Variants in CBLIF observed in about 807,000 individuals in gnomAD.
CBLIF encodes gastric intrinsic factor (vitamin B synthesis).
A neutral mutation model predicts 44.9 loss-of-function variants in CBLIF; 24 were observed. That is an observed-to-expected ratio of 0.53 (90% confidence interval 0.39 to 0.75). The LOEUF is 0.75. Among genes scored for constraint, CBLIF ranks in the 30% least tolerant of loss-of-function variants. CBLIF has a pLI of 0.00. For missense variants in CBLIF, 481 were observed against 513.0 expected (o/e 0.94, Z 0.60); for synonymous variants, 183 against 190.9 (o/e 0.96, Z 0.34).
intron 5 of CBLIF, among the ~76,000 whole-genome samples, chr11:59,840,500 G>T (rs1237443194): frequency 1.3e-5 from 2 of 152,118 alleles, no homozygotes; most frequent in Non-Finnish European, 2.9e-5. Flanking sequence ...ACTAGGGTAG[G>T]GTGGGTTGTT....
chr11:59,831,994 A>G (rs1374553237), intron 7 of CBLIF, among the ~76,000 whole-genome samples, 198 bp from the exon 8 acceptor site: 2 of 152,196 alleles, frequency 1.3e-5, no homozygotes, highest in Non-Finnish European at 2.9e-5. Flanking sequence ...TCCACCCGCC[A>G]GGATAGAGAC....
At chr11:59,843,502 G>A (rs1198710096) in intron 2 of CBLIF, among the ~76,000 whole-genome samples, 1 of 152,186 alleles carries the variant, frequency 6.6e-6, no homozygotes, top group African/African-American at 2.4e-5. Context: ...AGGCAGAACA[G>A]AGATTTTATT....
chr11:59,842,350 G>A, intron 4 of CBLIF, 93 bp downstream of exon 4: 4 of 1,372,022 alleles, frequency 2.9e-6, no homozygotes, highest in Non-Finnish European at 4.2e-6. Flanking sequence ...CTCCTCCATG[G>A]GACGCTCTCC....
rs950084452 is a variant in CBLIF at position 59,842,574 on chromosome 11, G to A, written c.380C>T (p.Ala127Val). ...MENWAPSSPN[A>V]EASAFYGPSL... ...GGGCCCATAGAAGGCTGATGCTTCA[G>A]CGTTGGGGCCTCCGAAGGGGATAGA... is the stretch of plus-strand genomic sequence containing the variant. The change falls in exon 4 of 9, where the codon GCT (alanine) becomes GTT (valine). Residue 127 changes from alanine to valine, a missense_variant. Transcript: ENST00000257248. The A allele has an allele frequency of 1.4e-5, 22 of 1,613,858 alleles. No homozygotes were observed. The Admixed American group carries it at 3.2e-4, about 23-fold the overall frequency.
chr11:59,844,455 G>A (rs1395192594), intron 1 of CBLIF, among the ~76,000 whole-genome samples: 1 of 152,078 alleles, frequency 6.6e-6, no homozygotes, highest in Non-Finnish European at 1.5e-5. Flanking sequence ...ATGCCTTTTA[G>A]GAGAACACTT....
chr11:59,839,096 G>A (rs1290600716), intron 5 of CBLIF, among the ~76,000 whole-genome samples: 8 of 152,006 alleles, frequency 5.3e-5, no homozygotes, highest in African/African-American at 1.7e-4. Context: ...TGATCTGCCC[G>A]CCTCGTCCTC....
intron 5 of CBLIF, among the ~76,000 whole-genome samples, chr11:59,840,734 T>C (rs1866514205): frequency 6.6e-6 from 1 of 152,162 alleles, no homozygotes; most frequent in Non-Finnish European, 1.5e-5. Context: ...AAAAGAACAC[T>C]TGGCTGGTAA....
Position 59,836,009 on chromosome 11 carries a change from T to C in CBLIF, c.872A>G (p.Asp291Gly). The C allele has an allele frequency of 6.2e-7, 1 of 1,613,452 alleles. No homozygotes were observed. The highest frequency in any genetic ancestry group is 8.5e-7 in the Non-Finnish European group (1 of 1,179,342). Residue 291 changes from aspartate (D) to glycine (G), a missense_variant and splice_region_variant, in exon 7 of 9, where the codon GAT becomes GGT. Coordinates refer to ENST00000257248, the MANE Select transcript of CBLIF (RefSeq NM_005142.3). ...GGGTAGAGTTGGTTGTACCTCATGATCTGTGAAGGGCAAAGAGGCCACATT... is the reference window on the plus strand; with the variant it reads ...GGGTAGAGTTGGTTGTACCTCATGACCTGTGAAGGGCAAAGAGGCCACATT... ...LDVPQVTCSP[D>G]HEVQPTLPSN...
At position 59,837,335 on chromosome 11, in the gene CBLIF, G is replaced by T; in HGVS notation, c.710C>A (p.Pro237His). Residue 237 changes from proline to histidine, a missense_variant, in exon 6 of 9, where the codon CCT (proline) becomes CAT (histidine). By Grantham distance (77) the Pro-to-His change is moderately conservative (BLOSUM62 -2). Coordinates refer to ENST00000257248, the MANE Select transcript of CBLIF (RefSeq NM_005142.3). ...GLAMQALSVT[P>H]EPSKKEWNCK... The stretch of plus-strand genomic sequence containing the variant: ...GTTCCATTCCTTTTTAGATGGCTCA[G>T]GTGTTACAGAGAGAGCCTGGGAAGG... 1 of 1,612,484 alleles carries T rather than the reference G, an allele frequency of 6.2e-7. No homozygotes were observed. Among genetic ancestry groups the T allele is most frequent in the Middle Eastern group, 1.6e-4 (1 of 6,062 alleles).
At chr11:59,845,329 C>A in intron 1 of CBLIF, 46 bp downstream of exon 1, 2 of 1,608,468 alleles carry the variant, frequency 1.2e-6, no homozygotes, top group South Asian at 2.2e-5. Flanking sequence ...GCCCCTTCCC[C>A]AGGGCAACTG....
chr11:59,831,239 G>T (rs1279907063), intron 8 of CBLIF, among the ~76,000 whole-genome samples: 4 of 152,120 alleles, frequency 2.6e-5, no homozygotes, highest in Non-Finnish European at 2.9e-5. Context: ...ACATCCATAT[G>T]CAGGCATTCC....
intron 8 of CBLIF, among the ~76,000 whole-genome samples, chr11:59,830,228 ACTTT>A (rs1295282263): frequency 6.9e-6 from 1 of 145,814 alleles, no homozygotes; most frequent in African/African-American, 2.6e-5. Context: ...TGGGGCAATT[ACTTT>A]CTTTTTTTTT....
intron 7 of CBLIF, 137 bp from the exon 8 acceptor site, chr11:59,831,933 C>A: frequency 1.5e-6 from 1 of 666,854 alleles, no homozygotes; most frequent in Non-Finnish European, 2.7e-6. Context: ...GTTACCCAGG[C>A]TAGTGGTGAG....
chr11:59,830,384 C>G (rs1866358429), intron 8 of CBLIF, among the ~76,000 whole-genome samples: 1 of 151,880 alleles, frequency 6.6e-6, no homozygotes, highest in Middle Eastern at 3.4e-3. Flanking sequence ...CTACAGGCAC[C>G]CGCCACCACG....
intron 4 of CBLIF, among the ~76,000 whole-genome samples, chr11:59,842,056 C>T (rs957710195): frequency 1.3e-5 from 2 of 151,830 alleles, no homozygotes; most frequent in East Asian, 1.9e-4. Context: ...GGAGAAGCAT[C>T]GAAAAGAATG....
At chr11:59,840,455 G>A (rs1056168860) in intron 5 of CBLIF, among the ~76,000 whole-genome samples, 1 of 152,208 alleles carries the variant, frequency 6.6e-6, no homozygotes, top group Admixed American at 6.5e-5. Context: ...CACCATTGGT[G>A]CATCTGTCTT....
At position 59,829,314 on chromosome 11, in the gene CBLIF, G is replaced by C. The variant is rs1331932491; in HGVS notation, c.*170C>G. The C allele has an allele frequency of 1.6e-6, 1 of 621,182 alleles. No individual in the cohort carries two copies. Among genetic ancestry groups the C allele is most frequent in the Non-Finnish European group, 3.0e-6 (1 of 333,954 alleles). The allele number at this position is 621,182 out of a possible 1,614,324, so 38.5% of individuals were successfully genotyped here. ...TTTATTTTCATGAGTCATAGATGTT[G>C]AGACTCCAGTGAACTTTGCATTTTT... On this transcript the variant is annotated 3_prime_UTR_variant, in exon 9 of 9. Transcript: ENST00000257248.
At chr11:59,842,398 G>C (rs1032089615) in intron 4 of CBLIF, 45 bp downstream of exon 4, 12 of 1,605,962 alleles carry the variant, frequency 7.5e-6, no homozygotes, top group Non-Finnish European at 2.6e-6. Flanking sequence ...TTCAGTTCAC[G>C]ATGCCTCTGA....
rs147337174 is a variant in CBLIF, at chr11:59,838,587, A to G, written c.694-1236T>C. On this transcript the variant is annotated intron_variant, in intron 5 of 8. Transcript: ENST00000257248. ...ACAGGGACAACCATCACTGAACCTCAGCATCTATGAAGCATGGCTCTGGAC... is the reference window on the plus strand; with the variant it reads ...ACAGGGACAACCATCACTGAACCTCGGCATCTATGAAGCATGGCTCTGGAC... 4.4e-3 allele frequency among the ~76,000 whole-genome samples: 671 copies of G among 152,310 alleles called. 8 individuals carry two copies. Among genetic ancestry groups the G allele is most frequent in the African/African-American group, 0.015 (643 of 41,568 alleles).
Sources: allele counts gnomAD v4.1 joint callset (sites outside exome capture counted in the v4.1 genomes callset), GRCh38; gene constraint gnomAD v4.1.1; transcripts MANE v1.5; gene names NCBI Gene and HGNC (gene_info 2026-07-23, HGNC 2026-07-21).